The following SETD5 variants were observed in gnomAD, a reference collection of about 807,000 sequenced individuals.
SETD5 encodes histone-lysine N-methyltransferase SETD5.
SETD5 carries 44 observed loss-of-function variants against 153.3 expected under a neutral mutation model. The observed-to-expected ratio is 0.29, with a 90% CI of 0.23 to 0.37. The LOEUF is 0.37. Among genes scored for constraint, SETD5 ranks in the 10% least tolerant of loss-of-function variants. SETD5 has a pLI of 1.00. For missense variants in SETD5, 1,544 were observed against 1,768.0 expected (o/e 0.87, Z 2.27); for synonymous variants, 716 against 645.2 (o/e 1.11, Z -1.66).
At position 9,404,243 on chromosome 3, in the gene SETD5, G is replaced by A. The variant is rs189405002; in HGVS notation, c.-177+6266G>A. On this transcript the variant is annotated intron_variant, in intron 1 of 22. Coordinates refer to ENST00000402198, the MANE Select transcript of SETD5 (RefSeq NM_001080517.3). ...GATTAGCAGAGGAGATGTTTTAACCGATTAATAACCAAAAAACTGCCTTTC... is the reference window on the plus strand; with the variant it reads ...GATTAGCAGAGGAGATGTTTTAACCAATTAATAACCAAAAAACTGCCTTTC... Among the ~76,000 whole-genome samples, 18 of 152,248 alleles carry A rather than the reference G, an allele frequency of 1.2e-4. No homozygotes were observed. In the East Asian group the frequency reaches 3.5e-3, roughly 29 times the overall value.
At chr3:9,447,481 A>G (rs116620982) in intron 14 of SETD5, among the ~76,000 whole-genome samples, 174 bp downstream of exon 14, 212 of 152,348 alleles carry the variant, frequency 1.4e-3, no homozygotes, top group African/African-American at 5.0e-3. Context: ...AATGCTTATT[A>G]GAAATAACGC....
chr3:9,448,295 C>T (rs756989512), intron 15 of SETD5, 93 bp from the exon 16 acceptor site: 1 of 1,501,380 alleles, frequency 6.7e-7, no homozygotes, highest in Non-Finnish European at 8.9e-7. Flanking sequence ...GCTGCTGCAT[C>T]TCCTCCTGTC....
intron 1 of SETD5, among the ~76,000 whole-genome samples, chr3:9,400,692 T>C (rs999145022): frequency 6.6e-6 from 1 of 152,232 alleles, no homozygotes; most frequent in Non-Finnish European, 1.5e-5. Flanking sequence ...GGATATAGCC[T>C]TCTGACATCA....
At chr3:9,474,941 C>T in intron 21 of SETD5, 127 bp from the exon 22 acceptor site, 1 of 818,210 alleles carries the variant, frequency 1.2e-6, no homozygotes, top group South Asian at 1.8e-5. Context: ...ATGCTGCACT[C>T]ACCCAATTTG....
intron 1 of SETD5, among the ~76,000 whole-genome samples, chr3:9,412,401 T>TG (rs1347771907): frequency 7.1e-6 from 1 of 140,878 alleles, no homozygotes; most frequent in Non-Finnish European, 1.5e-5. Context: ...TTTTTTTTTT[T>TG]TTTTTTTTTT....
At chr3:9,445,797 G>A (rs1403824290) in intron 13 of SETD5, 57 bp downstream of exon 13, 2 of 1,286,508 alleles carry the variant, frequency 1.6e-6, no homozygotes, top group African/African-American at 3.0e-5. Flanking sequence ...TCCATCATGT[G>A]AACCTCTTCT....
At chr3:9,419,792 T>C (rs1402770838) in intron 1 of SETD5, among the ~76,000 whole-genome samples, 1 of 152,192 alleles carries the variant, frequency 6.6e-6, no homozygotes, top group Non-Finnish European at 1.5e-5. Flanking sequence ...AAAGTAAAAA[T>C]ACAGATATTA....
chr3:9,414,339 T>TTC (rs2037089456), intron 1 of SETD5, among the ~76,000 whole-genome samples: 1 of 152,154 alleles, frequency 6.6e-6, no homozygotes, highest in South Asian at 2.1e-4. Context: ...TCTTAAGAAA[T>TTC]TCTTAATTCA....
At chr3:9,422,756 C>T (rs745539203) in intron 1 of SETD5, among the ~76,000 whole-genome samples, 5 of 152,136 alleles carry the variant, frequency 3.3e-5, no homozygotes, top group Non-Finnish European at 7.3e-5. Context: ...TTTTGGCGTT[C>T]TGTTGGTTTA....
rs1191858327 is a variant in SETD5, at chr3:9,434,983, G to A, written c.388+101G>A. 71 of 1,371,678 alleles carry A rather than the reference G, an allele frequency of 5.2e-5. No individual in the cohort carries two copies. The highest frequency in any genetic ancestry group is 6.4e-5 in the Non-Finnish European group (65 of 1,011,824). The allele number at this position is 1,371,678 out of a possible 1,614,324, so 85.0% of individuals were successfully genotyped here. On this transcript the variant is annotated intron_variant, in intron 6 of 22. Coordinates refer to ENST00000402198, the MANE Select transcript of SETD5 (RefSeq NM_001080517.3). This position sits in a 1 kb window ranked among gnomAD's most constrained non-coding sequence, Gnocchi z 5.6. ...CTCTTGGCCAGGCGCAGTGGCTTACGCCTGTAATCTCACCACTTAGGGAGG... is the reference window on the plus strand; with the variant it reads ...CTCTTGGCCAGGCGCAGTGGCTTACACCTGTAATCTCACCACTTAGGGAGG...
intron 1 of SETD5, among the ~76,000 whole-genome samples, chr3:9,404,917 T>A (rs925816624): frequency 4.6e-5 from 7 of 152,238 alleles, no homozygotes; most frequent in African/African-American, 1.7e-4. Context: ...CTGTACCTCA[T>A]CTTGCCTGTG....
chr3:9,471,722 A>G (rs1188680377), intron 19 of SETD5, among the ~76,000 whole-genome samples: 1 of 152,210 alleles, frequency 6.6e-6, no homozygotes, highest in Non-Finnish European at 1.5e-5. Context: ...GTGGTTCTCA[A>G]CTAGGGGTGT....
chr3:9,448,049 G>A, intron 15 of SETD5, 43 bp downstream of exon 15: 3 of 1,563,170 alleles, frequency 1.9e-6, no homozygotes, highest in Non-Finnish European at 2.6e-6. Flanking sequence ...TCTGGCAAGG[G>A]CTGTCTTAGT....
At position 9,447,710 on chromosome 3, in the gene SETD5, C is replaced by G; in HGVS notation, c.1807C>G (p.Pro603Ala). Reference sequence around the variant, plus strand: ...GGATATTGCTGCAGAAAAACTAGTCCCCAAGCCACCTCCAGCAAAGCCTTC... The same window carrying G: ...GGATATTGCTGCAGAAAAACTAGTCGCCAAGCCACCTCCAGCAAAGCCTTC... ...AGDIAAEKLV[P>A]KPPPAKPSRP... The change falls in exon 15 of 23, where the codon CCC (proline) becomes GCC (alanine). Residue 603 changes from proline to alanine, a missense_variant. Pro to Ala is a conservative substitution (Grantham distance 27, BLOSUM62 -1). Coordinates refer to ENST00000402198, the MANE Select transcript of SETD5 (RefSeq NM_001080517.3). The G allele has an allele frequency of 1.2e-6, 2 of 1,613,804 alleles. No individual in the cohort carries two copies. Among genetic ancestry groups the G allele is most frequent in the Non-Finnish European group, 1.7e-6 (2 of 1,179,828 alleles).
At chr3:9,446,174 C>T (rs991408095) in intron 13 of SETD5, among the ~76,000 whole-genome samples, 1 of 149,260 alleles carries the variant, frequency 6.7e-6, no homozygotes, top group Non-Finnish European at 1.5e-5. Context: ...GTAGTCCCAG[C>T]TACTCGGGAG....
At chr3:9,468,398 C>T in intron 18 of SETD5, 1 of 668,664 alleles carries the variant, frequency 1.5e-6, no homozygotes, top group South Asian at 1.7e-5. Context: ...CATTCTTATT[C>T]AACTTCCCCG....
chr3:9,447,438 T>G, intron 14 of SETD5, 131 bp downstream of exon 14: 1 of 1,314,068 alleles, frequency 7.6e-7, no homozygotes, highest in Non-Finnish European at 1.0e-6. Flanking sequence ...CATTAACTGT[T>G]TAACTGGAAC....
intron 19 of SETD5, among the ~76,000 whole-genome samples, chr3:9,472,166 G>T (rs1454020633): frequency 1.3e-5 from 2 of 152,014 alleles, no homozygotes; most frequent in African/African-American, 4.8e-5. Context: ...AAAAGTCATA[G>T]AAATTATGAT....
chr3:9,410,034 C>A (rs148819923), intron 1 of SETD5, among the ~76,000 whole-genome samples: 16 of 152,154 alleles, frequency 1.1e-4, no homozygotes, highest in African/African-American at 3.4e-4. Context: ...AGTCATGCCT[C>A]ACTTGATGAG....
Sources: gnomAD v4.1 joint callset for allele counts (sites outside exome capture counted in the v4.1 genomes callset) on GRCh38, gnomAD v4.1.1 for gene constraint, Gnocchi (gnomAD v3.1) non-coding constraint, MANE v1.5 for transcripts, NCBI Gene and HGNC (gene_info 2026-07-23, HGNC 2026-07-21) for gene names.